Variants in NRG1 observed in about 807,000 individuals in gnomAD.
NRG1 encodes the protein neuregulin 1, also known as pro-neuregulin-1, membrane-bound isoform.
A neutral mutation model predicts 63.8 loss-of-function variants in NRG1; 18 were observed. The ratio of observed to expected loss-of-function variants is 0.28; its 90% CI spans 0.19 to 0.42. The LOEUF (loss-of-function observed/expected upper bound fraction) is 0.42. NRG1 is among the 10% of genes least tolerant of loss of function. NRG1 has a pLI of 1.00. For missense variants in NRG1, 762 were observed against 814.7 expected, an observed-to-expected ratio of 0.94 and a Z score of 0.79; for synonymous variants, 302 against 301.3, an observed-to-expected ratio of 1.00 and a Z score of -0.02.
rs532437906 is a variant in NRG1, at chr8:31,858,047, C to A, written c.37+218616C>A. Among the ~76,000 whole-genome samples, 4 of 152,274 alleles carry A rather than the reference C, an allele frequency of 2.6e-5. No individual in the cohort carries two copies. The South Asian group carries it at 8.3e-4, about 32-fold the overall frequency. On this transcript the variant is annotated intron_variant, in intron 1 of 10. Coordinates refer to the NRG1 transcript ENST00000519301. Reference sequence around the variant, plus strand: ...AGGCATGGTGGCTCACGCCTGTAATCCCAGCACTTTGGGAGGCCGAGGCGG... The same window carrying A: ...AGGCATGGTGGCTCACGCCTGTAATACCAGCACTTTGGGAGGCCGAGGCGG...
At chr8:31,894,967 A>T (rs1413988838) in intron 1 of NRG1, among the ~76,000 whole-genome samples, 3 of 152,196 alleles carry the variant, frequency 2.0e-5, no homozygotes, top group African/African-American at 7.2e-5. Flanking sequence ...CTTACATATA[A>T]CACCAGAAGG....
chr8:32,081,287 A>G (rs975771058), intron 1 of NRG1, among the ~76,000 whole-genome samples: 5 of 152,152 alleles, frequency 3.3e-5, no homozygotes, highest in African/African-American at 9.7e-5. Context: ...TAGAGCTTCA[A>G]CATATGCATT....
At chr8:32,441,321 G>T (rs1363350999) in intron 1 of NRG1, 1 of 152,136 alleles carries the variant, frequency 6.6e-6, no homozygotes, top group Non-Finnish European at 1.5e-5. Context: ...CATCCAAGCT[G>T]CTGGAAGCAC....
At chr8:31,901,417 G>GA (rs1335245950) in intron 1 of NRG1, among the ~76,000 whole-genome samples, 1 of 152,046 alleles carries the variant, frequency 6.6e-6, no homozygotes. Context: ...ATCTGAAAAA[G>GA]AAAAAAGTGA....
chr8:32,382,697 A>G (rs1306142291), intron 1 of NRG1, among the ~76,000 whole-genome samples: 2 of 152,122 alleles, frequency 1.3e-5, no homozygotes, highest in African/African-American at 4.8e-5. Context: ...TTGACCTGAA[A>G]ACCTATATCA....
At chr8:31,971,028 A>G (rs971840782) in intron 1 of NRG1, among the ~76,000 whole-genome samples, 24 of 151,132 alleles carry the variant, frequency 1.6e-4, no homozygotes, top group African/African-American at 5.9e-4. Flanking sequence ...TGGGCAACAG[A>G]GTGAGACTCC....
Position 32,027,822 on chromosome 8 carries a change from A to G in NRG1, c.37+388391A>G, listed in dbSNP as rs116639998. 7.6e-3 allele frequency among the ~76,000 whole-genome samples: 1,154 copies of G among 152,222 alleles called. 18 individuals are homozygous for G. Among genetic ancestry groups the G allele is most frequent in the African/African-American group, 0.027 (1,105 of 41,552 alleles). ...AATCCCCTGGGAAATACTATAAATGAATAATTTCTCAAATTTGCTGTGTAT... is the reference window on the plus strand; with the variant it reads ...AATCCCCTGGGAAATACTATAAATGGATAATTTCTCAAATTTGCTGTGTAT... On this transcript the variant is annotated intron_variant, in intron 1 of 10. Coordinates refer to the NRG1 transcript ENST00000519301.
chr8:31,756,845 T>G (rs975342382), intron 1 of NRG1, among the ~76,000 whole-genome samples: 1 of 152,158 alleles, frequency 6.6e-6, no homozygotes, highest in African/African-American at 2.4e-5. Flanking sequence ...GCTTCCATCT[T>G]GTTGCTTTGT....
At chr8:31,925,515 A>C (rs1834288579) in intron 1 of NRG1, among the ~76,000 whole-genome samples, 2 of 152,186 alleles carry the variant, frequency 1.3e-5, no homozygotes, top group South Asian at 4.1e-4. Flanking sequence ...TCTTTTATCA[A>C]GTTTTGTAAA....
At chr8:31,797,538 G>A (rs1821345373) in intron 1 of NRG1, among the ~76,000 whole-genome samples, 2 of 152,148 alleles carry the variant, frequency 1.3e-5, no homozygotes, top group Admixed American at 1.3e-4. Flanking sequence ...CAGCCATTAT[G>A]GAAAATAGTA....
intron 1 of NRG1, among the ~76,000 whole-genome samples, chr8:31,931,749 G>T (rs1404889763): frequency 8.5e-5 from 13 of 152,140 alleles, no homozygotes; most frequent in Admixed American, 8.5e-4. Context: ...GGACATGTGG[G>T]CTCTCTTCCT....
intron 1 of NRG1, among the ~76,000 whole-genome samples, chr8:31,911,515 A>G (rs1385313229): frequency 6.6e-6 from 1 of 152,162 alleles, no homozygotes; most frequent in Non-Finnish European, 1.5e-5. Flanking sequence ...GTTCTCACTT[A>G]TAAGTGGGAG....
intron 1 of NRG1, among the ~76,000 whole-genome samples, chr8:32,084,975 A>C (rs949323334): frequency 2.0e-5 from 3 of 152,234 alleles, no homozygotes; most frequent in Admixed American, 2.0e-4. Context: ...CCCAGACAAG[A>C]TAGTGAATGA....
At chr8:32,307,630 T>A (rs1308146555) in intron 1 of NRG1, among the ~76,000 whole-genome samples, 2 of 150,664 alleles carry the variant, frequency 1.3e-5, no homozygotes, top group African/African-American at 4.9e-5. Context: ...TGTGTGTGTT[T>A]GTGTGTTTAA....
At chr8:32,359,003 A>G (rs1221741305) in intron 1 of NRG1, among the ~76,000 whole-genome samples, 1 of 152,154 alleles carries the variant, frequency 6.6e-6, no homozygotes, top group Non-Finnish European at 1.5e-5. Flanking sequence ...GTAGATAACC[A>G]AAGGAAGAAA....
At chr8:31,920,858 A>G (rs555825248) in intron 1 of NRG1, among the ~76,000 whole-genome samples, 1 of 147,798 alleles carries the variant, frequency 6.8e-6, no homozygotes, top group African/African-American at 2.5e-5. Flanking sequence ...TAAGATGGAT[A>G]GATACATAGA....
chr8:32,442,137 A>G (rs779587459), intron 1 of NRG1, among the ~76,000 whole-genome samples: 1 of 152,178 alleles, frequency 6.6e-6, no homozygotes, highest in Non-Finnish European at 1.5e-5. Flanking sequence ...CATCATTTCC[A>G]TCTGACTATC....
intron 1 of NRG1, among the ~76,000 whole-genome samples, chr8:32,025,126 A>T (rs1175762111): frequency 1.3e-5 from 2 of 152,208 alleles, no homozygotes; most frequent in Non-Finnish European, 2.9e-5. Flanking sequence ...AATATTAAAA[A>T]TGCTGAAATA....
At chr8:31,875,929 C>T (rs550981596) in intron 1 of NRG1, among the ~76,000 whole-genome samples, 97 of 152,138 alleles carry the variant, frequency 6.4e-4, no homozygotes, top group African/African-American at 2.1e-3. Flanking sequence ...TTGAGAGACA[C>T]CTAGGTTTGT....
Sources: gnomAD v4.1 joint callset for allele counts (sites outside exome capture counted in the v4.1 genomes callset) on GRCh38, gnomAD v4.1.1 for gene constraint, MANE v1.5 for transcripts, NCBI Gene and HGNC (gene_info 2026-07-23, HGNC 2026-07-21) for gene names.